The following DNAH8 variants were observed in gnomAD, a reference collection of about 807,000 sequenced individuals.
DNAH8 encodes the protein dynein axonemal heavy chain 8.
A neutral mutation model predicts 562.1 loss-of-function variants in DNAH8; 382 were observed. That is an observed-to-expected ratio of 0.68 (90% CI 0.63 to 0.74). The LOEUF (loss-of-function observed/expected upper bound fraction) is 0.74, where lower values mean the gene tolerates loss of function less well. Among genes scored for constraint, DNAH8 ranks in the 30% least tolerant of loss-of-function variants. DNAH8 has a pLI of 0.00. For synonymous variants in DNAH8, 1,881 were observed against 1,919.4 expected (o/e 0.98, Z 0.52); for missense variants, 5,203 against 5,620.4 (o/e 0.93, Z 2.37).
chr6:39,030,234 T>A lies in DNAH8; in HGVS notation c.13966T>A (p.Ser4656Thr). Residue 4656 changes from serine (S) to threonine (T), a missense_variant, in exon 93 of 93, where the codon TCC becomes ACC. By Grantham distance (58) the Ser-to-Thr change is moderately conservative. This residue lies in a region of DNAH8 where 1,399 missense variants were observed against 1,518.4 expected (regional missense o/e 0.92). Transcript: ENST00000327475. ...LPVLHIFAIN[S>T]TAPKDPKLYV... ...CGTGCTCCACATCTTTGCCATTAAC[T>A]CCACGGCACCCAAGGACCCCAAGCT... 1 of 1,614,104 alleles carries A rather than the reference T, an allele frequency of 6.2e-7. No individual in the cohort carries two copies. The highest frequency in any genetic ancestry group is 8.5e-7 in the Non-Finnish European group (1 of 1,180,034).
Position 38,828,005 on chromosome 6 carries a change from G to T in DNAH8, c.4084-179G>T. Among the ~76,000 whole-genome samples, 2 of 152,018 alleles carry T rather than the reference G, an allele frequency of 1.3e-5. 1 individual carries two copies. The highest frequency in any genetic ancestry group is 1.3e-4 in the Admixed American group (2 of 15,244). ...CAGATTTCAGAGCCTGTGATCCAGA[G>T]TTAGTATCTGGTAGTCAGAATCTAA... is the stretch of plus-strand genomic sequence containing the variant. On this transcript the variant is annotated intron_variant, in intron 29 of 92. Transcript: ENST00000327475.
chr6:38,898,369 C>A lies in DNAH8; in HGVS notation c.9052C>A (p.His3018Asn), dbSNP rs1294769569. 1 of 1,573,242 alleles carries A rather than the reference C, an allele frequency of 6.4e-7. No individual in the cohort carries two copies. Among genetic ancestry groups the A allele is most frequent in the South Asian group, 1.2e-5 (1 of 81,570 alleles). Residue 3018 changes from histidine to asparagine, a missense_variant, in exon 61 of 93, where the codon CAT becomes AAT. Coordinates refer to ENST00000327475, the MANE Select transcript of DNAH8 (RefSeq NM_001206927.2). ...DLVFFKDAMT[H>N]LIKISRIIRT... ...GGTGTTTTTTAAAGATGCAATGACT[C>A]ATCTTATTAAGGTCCTAACTATTGC... is the stretch of plus-strand genomic sequence containing the variant.
intron 84 of DNAH8, 101 bp downstream of exon 84, chr6:38,973,914 A>G: frequency 1.1e-6 from 1 of 900,868 alleles, no homozygotes; most frequent in Non-Finnish European, 1.7e-6. Context: ...TTGGTCCTGT[A>G]GGGTCTGGAC....
At chr6:38,719,624 T>C (rs1048272999) in intron 1 of DNAH8, among the ~76,000 whole-genome samples, 4 of 152,130 alleles carry the variant, frequency 2.6e-5, no homozygotes, top group Admixed American at 6.5e-5. Flanking sequence ...CACTGTGAAG[T>C]TGTATTCTTA....
At chr6:38,788,874 G>A (rs1258981332) in intron 18 of DNAH8, among the ~76,000 whole-genome samples, 6 of 152,102 alleles carry the variant, frequency 3.9e-5, no homozygotes, top group African/African-American at 9.7e-5. Context: ...GATTTGTGGC[G>A]TGTTGTCTTC....
In DNAH8 at chr6:38,883,326, T is replaced by C; in HGVS notation, c.8006T>C (p.Val2669Ala). The change falls in exon 55 of 93, where the codon GTT (valine) becomes GCT (alanine). Residue 2669 changes from valine to alanine, a missense_variant. Val to Ala is a moderately conservative substitution (Grantham distance 64, BLOSUM62 0). This residue lies in a region of DNAH8 where 977 missense variants were observed against 1,061.8 expected (regional missense o/e 0.92). Transcript: ENST00000327475. ...ACTATTATCCTATGATTGCAGGCTG[T>C]TTTGCTCACAGGAGAGCAGGGAACT... Reference protein sequence around the residue: ...IDTIAKQHKAVLLTGEQGTAK... With the variant: ...IDTIAKQHKAALLTGEQGTAK... The C allele has an allele frequency of 6.2e-7, 1 of 1,606,224 alleles. No individual in the cohort carries two copies. The highest frequency in any genetic ancestry group is 2.2e-5 in the East Asian group (1 of 44,648).
intron 82 of DNAH8, chr6:38,953,208 G>T (rs1006862258): frequency 5.3e-5 from 8 of 152,196 alleles, no homozygotes; most frequent in African/African-American, 1.9e-4. Context: ...CTTTGGTCAT[G>T]CACTCCTTTC....
chr6:38,748,193 A>G (rs1378062537), intron 8 of DNAH8, among the ~76,000 whole-genome samples: 1 of 152,224 alleles, frequency 6.6e-6, no homozygotes, highest in Non-Finnish European at 1.5e-5. Context: ...AGGCATATAC[A>G]ATTTAAGCTC....
intron 48 of DNAH8, among the ~76,000 whole-genome samples, chr6:38,868,784 C>T (rs1028868620): frequency 8.6e-5 from 13 of 151,868 alleles, no homozygotes; most frequent in Non-Finnish European, 1.8e-4. Context: ...TATTTCCCTG[C>T]CCCAGCCTCC....
intron 9 of DNAH8, among the ~76,000 whole-genome samples, chr6:38,752,411 G>A (rs1033107228): frequency 8.5e-5 from 13 of 152,228 alleles, no homozygotes; most frequent in East Asian, 3.8e-4. Flanking sequence ...TGATCTGCCC[G>A]CCTCCACCTC....
intron 41 of DNAH8, among the ~76,000 whole-genome samples, chr6:38,857,120 G>T (rs1172664157): frequency 6.6e-6 from 1 of 152,204 alleles, no homozygotes; most frequent in East Asian, 1.9e-4. Flanking sequence ...GAGATAGGCA[G>T]TGTATTGTTT....
intron 82 of DNAH8, among the ~76,000 whole-genome samples, chr6:38,958,057 A>C (rs2150656210): frequency 6.6e-6 from 1 of 152,226 alleles, no homozygotes; most frequent in South Asian, 2.1e-4. Context: ...GCTGGAATGC[A>C]GTGGTGAGAT....
chr6:38,756,844 A>G (rs1198440495), intron 10 of DNAH8, among the ~76,000 whole-genome samples: 1 of 152,080 alleles, frequency 6.6e-6, no homozygotes, highest in African/African-American at 2.4e-5. Flanking sequence ...TACAAAGGAC[A>G]TGAATTCATC....
intron 88 of DNAH8, among the ~76,000 whole-genome samples, chr6:38,996,114 C>A (rs1392507188): frequency 2.6e-5 from 4 of 152,014 alleles, no homozygotes; most frequent in South Asian, 4.1e-4. Context: ...GACAGAGTAA[C>A]AAAATTTGTT....
chr6:38,765,610 A>T (rs1032784544), intron 11 of DNAH8, among the ~76,000 whole-genome samples: 3 of 152,148 alleles, frequency 2.0e-5, no homozygotes, highest in Admixed American at 6.5e-5. Flanking sequence ...ACCATAATGC[A>T]TGGATTTATT....
intron 21 of DNAH8, among the ~76,000 whole-genome samples, chr6:38,798,661 C>T (rs1312721520): frequency 6.6e-6 from 1 of 152,156 alleles, no homozygotes; most frequent in African/African-American, 2.4e-5. Flanking sequence ...GTATTGATGG[C>T]AGTGTGGGTC....
intron 18 of DNAH8, 70 bp from the exon 19 acceptor site, chr6:38,789,733 G>T: frequency 8.4e-7 from 1 of 1,186,676 alleles, no homozygotes; most frequent in South Asian, 1.4e-5. Context: ...AACCTTCCTG[G>T]AATGAATCAA....
intron 56 of DNAH8, 41 bp downstream of exon 56, chr6:38,884,039 AT>A: frequency 7.7e-7 from 1 of 1,293,528 alleles, no homozygotes; most frequent in Non-Finnish European, 1.0e-6. Context: ...CTGAATTTGT[AT>A]TTTTATGTAT....
chr6:38,914,319 T>C (rs1414630745), intron 67 of DNAH8, among the ~76,000 whole-genome samples: 1 of 152,000 alleles, frequency 6.6e-6, no homozygotes, highest in African/African-American at 2.4e-5. Flanking sequence ...GAGTTTTTTT[T>C]TTTAAAAGAA....
Sources: allele counts gnomAD v4.1 joint callset (sites outside exome capture counted in the v4.1 genomes callset), GRCh38; gene constraint gnomAD v4.1.1; regional missense constraint gnomAD v4.1.1; transcripts MANE v1.5; gene names NCBI Gene and HGNC (gene_info 2026-07-23, HGNC 2026-07-21).